MYO5B: variants seen among roughly 807,000 people sequenced by gnomAD.
MYO5B encodes the protein unconventional myosin-Vb.
MYO5B carries 143 observed loss-of-function variants against 229.3 expected under a neutral mutation model. The observed-to-expected ratio is 0.62, with a 90% CI of 0.54 to 0.72. The LOEUF is 0.72. Ranked by LOEUF, MYO5B falls within the 30% of genes least tolerant of loss-of-function variation. The pLI is 0.00. For synonymous variants in MYO5B, 918 were observed against 885.2 expected (o/e 1.04, Z -0.66); for missense variants, 2,321 against 2,331.0 (o/e 1.00, Z 0.09).
chr18:50,031,881 C>A (rs1446257026), intron 4 of MYO5B, among the ~76,000 whole-genome samples: 1 of 152,144 alleles, frequency 6.6e-6, no homozygotes, highest in Admixed American at 6.5e-5. Flanking sequence ...ATTTGCAAAC[C>A]CAGCATAATG....
intron 2 of MYO5B, 103 bp downstream of exon 2, chr18:50,055,165 G>A: frequency 1.2e-6 from 1 of 811,636 alleles, no homozygotes. Flanking sequence ...CCAATGTCCA[G>A]GGAAAACTCC....
intron 1 of MYO5B, among the ~76,000 whole-genome samples, chr18:50,181,037 G>C (rs1013586256): frequency 6.6e-6 from 1 of 152,294 alleles, no homozygotes; most frequent in South Asian, 2.1e-4. Flanking sequence ...ACAGCAGGGG[G>C]AAGAGAGTAA....
intron 12 of MYO5B, among the ~76,000 whole-genome samples, chr18:49,955,759 T>G (rs2025485886): frequency 6.6e-6 from 1 of 152,234 alleles, no homozygotes; most frequent in African/African-American, 2.4e-5. Flanking sequence ...TATATTTAAT[T>G]CAGCACTTTC....
intron 27 of MYO5B, among the ~76,000 whole-genome samples, chr18:49,867,557 A>G (rs776999786): frequency 1.7e-4 from 26 of 152,144 alleles, no homozygotes; most frequent in Non-Finnish European, 3.1e-4. Context: ...TTAGCTGGAC[A>G]TTGGACTGGG....
In MYO5B at chr18:50,147,302, G is replaced by A. The variant is rs561327381; in HGVS notation, c.27+47465C>T. 3.9e-5 allele frequency among the ~76,000 whole-genome samples: 6 copies of A among 152,246 alleles called. No homozygotes were observed. The East Asian group carries it at 9.7e-4, about 25-fold the overall frequency. ...GCTCCCTTCACCTGCCACACCCAGT[G>A]AGTCTGAAGGTCTTTCTGGAACCTC... On this transcript the variant is annotated intron_variant, in intron 1 of 39. Transcript: ENST00000285039.
chr18:49,954,360 GC>G lies in MYO5B; in HGVS notation c.1620del (p.Lys540AsnfsTer41). 2 of 1,614,082 alleles carry G rather than the reference GC, an allele frequency of 1.2e-6. No individual in the cohort carries two copies. The highest frequency in any genetic ancestry group is 1.7e-6 in the Non-Finnish European group (2 of 1,179,990). ...ATGAAGGCCGTGTTGGACATGCGGG[GC>G]TTCTGGAAGTGCTGGCTGCTGGAGT... ...DRHSSSQHFQ[K>X]PRMSNTAFII... On this transcript the variant is annotated frameshift_variant, in exon 13 of 40. Coordinates refer to ENST00000285039, the MANE Select transcript of MYO5B (RefSeq NM_001080467.3). LOFTEE classifies it high-confidence loss of function.
intron 1 of MYO5B, among the ~76,000 whole-genome samples, chr18:50,159,748 GTGTT>G: frequency 6.6e-6 from 1 of 152,126 alleles, no homozygotes; most frequent in Non-Finnish European, 1.5e-5. Context: ...CTCTCTCCCA[GTGTT>G]TGTTACTCAA....
chr18:49,917,723 G>A (rs1790538531), intron 17 of MYO5B, among the ~76,000 whole-genome samples: 1 of 152,172 alleles, frequency 6.6e-6, no homozygotes, highest in African/African-American at 2.4e-5. Context: ...AGTGACTCCA[G>A]GAATGTAATT....
At chr18:50,170,518 G>C (rs1212172366) in intron 1 of MYO5B, among the ~76,000 whole-genome samples, 1 of 126,830 alleles carries the variant, frequency 7.9e-6, no homozygotes, top group Non-Finnish European at 1.7e-5. Context: ...TTATTACCAT[G>C]ATACCTCATG....
rs2969929 is a variant in MYO5B, at chr18:49,929,604, A to G, written c.2004-6T>C. On this transcript the variant is annotated splice_region_variant and splice_polypyrimidine_tract_variant and intron_variant, in intron 16 of 39. Transcript: ENST00000285039. The stretch of plus-strand genomic sequence containing the variant: ...CTGCTCTCTTTGGGTCAAAGCTGCC[A>G]AAGGAGAAAAAAAAAAAAAAAAGCA... 2.5e-5 allele frequency: 37 copies of G among 1,463,806 alleles called. No individual in the cohort carries two copies. The highest frequency in any genetic ancestry group is 3.0e-5 in the Non-Finnish European group (33 of 1,112,784). The allele number at this position is 1,463,806 out of a possible 1,614,324, so 90.7% of individuals were successfully genotyped here.
intron 10 of MYO5B, among the ~76,000 whole-genome samples, chr18:49,964,995 G>T (rs2025606133): frequency 6.6e-6 from 1 of 152,232 alleles, no homozygotes; most frequent in Non-Finnish European, 1.5e-5. Flanking sequence ...AGGATGTCAA[G>T]TTAAGAACTG....
chr18:49,873,558 T>C (rs2024481532), intron 26 of MYO5B, among the ~76,000 whole-genome samples: 1 of 152,230 alleles, frequency 6.6e-6, no homozygotes, highest in African/African-American at 2.4e-5. Flanking sequence ...ACCAGTGGTA[T>C]AGGAGGCTGT....
intron 1 of MYO5B, among the ~76,000 whole-genome samples, chr18:50,057,746 C>A (rs930544845): frequency 6.6e-6 from 1 of 152,180 alleles, no homozygotes; most frequent in South Asian, 2.1e-4. Context: ...ACATAAGGGG[C>A]ACAGTGGGAC....
chr18:49,997,267 TAAAAAAAAAAAA>T (rs58927375), intron 5 of MYO5B, among the ~76,000 whole-genome samples: 24 of 101,190 alleles, frequency 2.4e-4, no homozygotes, highest in East Asian at 1.3e-3. Context: ...GTCCTGTCTT[TAAAAAAAAAAAA>T]AAAAAAAAAA....
At chr18:49,863,902 A>G (rs186510898) in intron 28 of MYO5B, among the ~76,000 whole-genome samples, 39 of 152,304 alleles carry the variant, frequency 2.6e-4, no homozygotes, top group African/African-American at 8.4e-4. Context: ...GAGGTTACCT[A>G]TTAAACATCT....
chr18:49,982,280 A>T (rs1009880834), intron 8 of MYO5B, among the ~76,000 whole-genome samples: 10 of 151,454 alleles, frequency 6.6e-5, no homozygotes, highest in African/African-American at 2.2e-4. Context: ...GTTGCCCAGA[A>T]CTCCTGGGTT....
Position 49,902,598 on chromosome 18 carries a change from T to C in MYO5B, c.2807A>G (p.Glu936Gly). 1 of 1,612,010 alleles carries C rather than the reference T, an allele frequency of 6.2e-7. No homozygotes were observed. ...TAGGGAGCTGCAGACACTGACCTGCTCATCGATCTTCCGCTGCAGCTGGAC... is the reference window on the plus strand; with the variant it reads ...TAGGGAGCTGCAGACACTGACCTGCCCATCGATCTTCCGCTGCAGCTGGAC... ...KVVQLQRKIDEQNKEFKTLSE... is the reference protein window; with the variant it reads ...KVVQLQRKIDGQNKEFKTLSE... Residue 936 changes from glutamate to glycine, a missense_variant, in exon 21 of 40, where the codon GAG becomes GGG. Glu to Gly is a moderately conservative substitution (Grantham distance 98, BLOSUM62 -2). Transcript: ENST00000285039.
chr18:49,977,321 T>C (rs2025762363), intron 9 of MYO5B, among the ~76,000 whole-genome samples: 1 of 152,140 alleles, frequency 6.6e-6, no homozygotes, highest in African/African-American at 2.4e-5. Context: ...AAGAAACAAA[T>C]TGAATGCTGT....
chr18:50,127,818 G>T (rs964897848), intron 1 of MYO5B, among the ~76,000 whole-genome samples: 1 of 152,184 alleles, frequency 6.6e-6, no homozygotes, highest in African/African-American at 2.4e-5. Flanking sequence ...AGTAAAGCAG[G>T]TTGCCCTCCC....
Sources: allele counts gnomAD v4.1 joint callset (sites outside exome capture counted in the v4.1 genomes callset), GRCh38; gene constraint gnomAD v4.1.1; transcripts MANE v1.5; gene names NCBI Gene and HGNC (gene_info 2026-07-23, HGNC 2026-07-21).